DERL2: variants seen among roughly 807,000 people sequenced by gnomAD.
DERL2 encodes derlin-2.
A neutral mutation model predicts 32.0 loss-of-function variants in DERL2; 13 were observed. That is an observed-to-expected ratio of 0.41 (90% confidence interval 0.26 to 0.65). The LOEUF is 0.65. Ranked by LOEUF, DERL2 falls within the 30% of genes least tolerant of loss-of-function variation. DERL2 has a pLI of 0.35. For synonymous variants in DERL2, 111 were observed against 104.7 expected, an observed-to-expected ratio of 1.06 and a Z score of -0.37; for missense variants, 208 against 296.3, an observed-to-expected ratio of 0.70 and a Z score of 2.19.
intron 6 of DERL2, among the ~76,000 whole-genome samples, chr17:5,476,230 T>A (rs1472635104): frequency 6.6e-6 from 1 of 152,200 alleles, no homozygotes; most frequent in African/African-American, 2.4e-5. Context: ...ATCCTCAATT[T>A]GCACTTATAT....
In DERL2 at chr17:5,481,236, AG is replaced by A; in HGVS notation, c.327+59del. On this transcript the variant is annotated intron_variant, in intron 4 of 6. Transcript: ENST00000158771. The surrounding 1 kb of genome is among the most constrained non-coding windows in gnomAD (Gnocchi z 4.4). ...AGAGAACTGTGGGAGACAGATGACA[AG>A]CTTTAGGAAGAGCCAGGGTGTTCTT... is the stretch of plus-strand genomic sequence containing the variant. 8.1e-7 allele frequency: 1 copy of A among 1,228,112 alleles called. No individual in the cohort carries two copies. Among genetic ancestry groups the A allele is most frequent in the South Asian group, 1.2e-5 (1 of 83,156 alleles). 76.1% of individuals were successfully genotyped at this position (1,228,112 alleles called of 1,614,324 possible).
intron 6 of DERL2, among the ~76,000 whole-genome samples, chr17:5,478,195 C>A (rs1487293334): frequency 1.3e-5 from 2 of 151,978 alleles, no homozygotes; most frequent in African/African-American, 4.8e-5. Context: ...GAGACCTTGT[C>A]TCCACAAAAA....
chr17:5,478,303 G>A (rs544431466), intron 6 of DERL2, among the ~76,000 whole-genome samples: 2 of 152,204 alleles, frequency 1.3e-5, no homozygotes, highest in African/African-American at 4.8e-5. Context: ...TGAGCCCAGG[G>A]GCTTGAGTTA....
chr17:5,480,943 G>A (rs987843740), intron 4 of DERL2: 7 of 516,252 alleles, frequency 1.4e-5, no homozygotes, highest in South Asian at 1.3e-4. Context: ...TTGTCAGACC[G>A]TACCATATCT....
intron 2 of DERL2, 69 bp from the exon 3 acceptor site, chr17:5,482,951 A>G: frequency 1.2e-6 from 1 of 864,176 alleles, no homozygotes; most frequent in Non-Finnish European, 1.8e-6. Context: ...TTCCATATTA[A>G]TACAAAAGAA....
chr17:5,485,990 C>A (rs780693678), intron 1 of DERL2, 79 bp downstream of exon 1: 2 of 1,366,978 alleles, frequency 1.5e-6, no homozygotes, highest in Admixed American at 2.0e-5. Flanking sequence ...TGGGCCTCCC[C>A]GAGGCCCAAA....
intron 6 of DERL2, among the ~76,000 whole-genome samples, chr17:5,477,225 T>C (rs550500042): frequency 7.9e-5 from 12 of 152,264 alleles, no homozygotes; most frequent in African/African-American, 2.9e-4. Flanking sequence ...AAAAACATTA[T>C]GTTGAATGAA....
rs1309481190 is a variant in DERL2, at chr17:5,472,956, T to C, written c.*1728A>G. On this transcript the variant is annotated 3_prime_UTR_variant, in exon 7 of 7. Transcript: ENST00000158771. ...AGCAGTCCCATAGACCCAGGTTCCA[T>C]AAAATTGCAACAATCATATTCAAAG... is the stretch of plus-strand genomic sequence containing the variant. 1 of 152,188 alleles carries C rather than the reference T, an allele frequency of 6.6e-6. No homozygotes were observed. Among genetic ancestry groups the C allele is most frequent in the Non-Finnish European group, 1.5e-5 (1 of 68,040 alleles). The allele number at this position is 152,188 out of a possible 1,614,324, so 9.4% of individuals were successfully genotyped here. A position where few individuals can be genotyped will look rare whatever the true frequency, so the allele number is the denominator to read the frequency against.
chr17:5,471,340 C>T lies in DERL2; in HGVS notation c.*3344G>A, dbSNP rs1030933007. On this transcript the variant is annotated 3_prime_UTR_variant, in exon 7 of 7. Transcript: ENST00000158771. ...ACTGTGGTGGATACAAAAATTAAGACATGGTCCCTGCCCTTAAGGAGCTTA... is the reference window on the plus strand; with the variant it reads ...ACTGTGGTGGATACAAAAATTAAGATATGGTCCCTGCCCTTAAGGAGCTTA... 20 of 152,266 alleles carry T rather than the reference C, an allele frequency of 1.3e-4. No individual in the cohort carries two copies. Among genetic ancestry groups the T allele is most frequent in the African/African-American group, 4.8e-4 (20 of 41,470 alleles). The allele number at this position is 152,266 out of a possible 1,614,324, so 9.4% of individuals were successfully genotyped here. A position where few individuals can be genotyped will look rare whatever the true frequency, so the allele number is the denominator to read the frequency against.
chr17:5,481,647 A>G lies in DERL2; in HGVS notation c.234-258T>C, dbSNP rs1016533504. Among the ~76,000 whole-genome samples the G allele has an allele frequency of 3.3e-5, 5 of 149,828 alleles. No homozygotes were observed. In the South Asian group the frequency reaches 1.1e-3, roughly 31 times the overall value. On this transcript the variant is annotated intron_variant, in intron 3 of 6. Coordinates refer to ENST00000158771, the MANE Select transcript of DERL2 (RefSeq NM_016041.5). This position sits in a 1 kb window ranked among gnomAD's most constrained non-coding sequence, Gnocchi z 4.4. ...CACACAGACATGCTTTCAGTCCCCT[A>G]TTCTTTTTTTTTTTTCTTTTGAGAC... is the stretch of plus-strand genomic sequence containing the variant.
rs537959520 is a variant in DERL2 at position 5,481,884 on chromosome 17, G to A, written c.234-495C>T. 7.2e-5 allele frequency among the ~76,000 whole-genome samples: 11 copies of A among 152,142 alleles called. No homozygotes were observed. In the East Asian group the frequency reaches 1.2e-3, roughly 16 times the overall value. ...AGGCTGGTCTCAAACTCCTGACCTC[G>A]TGATCCACTGCCTTGGCCTCCCCAA... On this transcript the variant is annotated intron_variant, in intron 3 of 6. Transcript: ENST00000158771. The surrounding 1 kb of genome is among the most constrained non-coding windows in gnomAD (Gnocchi z 4.4).
At chr17:5,477,394 T>A (rs762907660) in intron 6 of DERL2, among the ~76,000 whole-genome samples, 1 of 152,206 alleles carries the variant, frequency 6.6e-6, no homozygotes, top group Non-Finnish European at 1.5e-5. Flanking sequence ...GGGAACTTTC[T>A]GGTTGATGGT....
At chr17:5,478,818 G>A (rs1469101109) in intron 6 of DERL2, among the ~76,000 whole-genome samples, 1 of 152,156 alleles carries the variant, frequency 6.6e-6, no homozygotes, top group Non-Finnish European at 1.5e-5. Flanking sequence ...AAGTTTACAA[G>A]GTTACAAAAA....
At chr17:5,484,690 G>C (rs1319364567) in intron 2 of DERL2, among the ~76,000 whole-genome samples, 1 of 152,212 alleles carries the variant, frequency 6.6e-6, no homozygotes, top group Non-Finnish European at 1.5e-5. Flanking sequence ...TAACAGAATT[G>C]AGTTTCTGGA....
In DERL2 at chr17:5,474,584, A is replaced by G. The variant is rs1905269941; in HGVS notation, c.*100T>C. ...GTGCTTCTGGAGTTAAAATCTGCCAAGCTGTCAAAAGTGTCCACACTTTTG... is the reference window on the plus strand; with the variant it reads ...GTGCTTCTGGAGTTAAAATCTGCCAGGCTGTCAAAAGTGTCCACACTTTTG... On this transcript the variant is annotated 3_prime_UTR_variant, in exon 7 of 7. Transcript: ENST00000158771. This position sits in a 1 kb window ranked among gnomAD's most constrained non-coding sequence, Gnocchi z 4.3. 1 of 836,432 alleles carries G rather than the reference A, an allele frequency of 1.2e-6. No homozygotes were observed. The highest frequency in any genetic ancestry group is 1.9e-6 in the Non-Finnish European group (1 of 531,724). 51.8% of individuals were successfully genotyped at this position (836,432 alleles called of 1,614,324 possible). A position where few individuals can be genotyped will look rare whatever the true frequency, so the allele number is the denominator to read the frequency against.
intron 2 of DERL2, among the ~76,000 whole-genome samples, chr17:5,484,161 G>A (rs1905986018): frequency 6.6e-6 from 1 of 152,228 alleles, no homozygotes; most frequent in African/African-American, 2.4e-5. Context: ...AGAACAGCAT[G>A]TGTAGAGGCA....
chr17:5,481,282 T>C lies in DERL2; in HGVS notation c.327+14A>G, dbSNP rs1291491646. On this transcript the variant is annotated intron_variant, in intron 4 of 6. Transcript: ENST00000158771. This position sits in a 1 kb window ranked among gnomAD's most constrained non-coding sequence, Gnocchi z 4.4. Reference sequence around the variant, plus strand: ...GTTCTTCAACATTTTCCCGTGTTGTTTGTTGAAGGATACGGTCATTAAGAA... The same window carrying C: ...GTTCTTCAACATTTTCCCGTGTTGTCTGTTGAAGGATACGGTCATTAAGAA... The C allele has an allele frequency of 6.3e-7, 1 of 1,592,454 alleles. No homozygotes were observed. Among genetic ancestry groups the C allele is most frequent in the African/African-American group, 1.3e-5 (1 of 74,554 alleles).
In DERL2 at chr17:5,481,680, C is replaced by T. The variant is rs1335922947; in HGVS notation, c.234-291G>A. On this transcript the variant is annotated intron_variant, in intron 3 of 6. Coordinates refer to ENST00000158771, the MANE Select transcript of DERL2 (RefSeq NM_016041.5). This position sits in a 1 kb window ranked among gnomAD's most constrained non-coding sequence, Gnocchi z 4.4. ...TTTTTTTTCTTTTGAGACAGAGTCT[C>T]GCTCTGTCACCTAGGATGGAGTGCA... 4.0e-5 allele frequency among the ~76,000 whole-genome samples: 6 copies of T among 151,622 alleles called. No individual in the cohort carries two copies. In the East Asian group the frequency reaches 5.8e-4, roughly 15 times the overall value.
rs1805448 is a variant in DERL2, at chr17:5,481,007, T to C, written c.327+289A>G. 0.12 allele frequency: 66,199 copies of C among 549,224 alleles called. 4,738 individuals carry two copies. Among genetic ancestry groups the C allele is most frequent in the African/African-American group, 0.25 (13,030 of 51,418 alleles). 34.0% of individuals were successfully genotyped at this position (549,224 alleles called of 1,614,324 possible). On this transcript the variant is annotated intron_variant, in intron 4 of 6. Coordinates refer to ENST00000158771, the MANE Select transcript of DERL2 (RefSeq NM_016041.5). This position sits in a 1 kb window ranked among gnomAD's most constrained non-coding sequence, Gnocchi z 4.4. ...TTCTGAAAAAATAATTTATTGGTTT[T>C]GGTAGCCACCAAGTAAATGTCTTAC...
Sources: allele counts gnomAD v4.1 joint callset (sites outside exome capture counted in the v4.1 genomes callset), GRCh38; gene constraint gnomAD v4.1.1; non-coding constraint Gnocchi (gnomAD v3.1); transcripts MANE v1.5; gene names NCBI Gene and HGNC (gene_info 2026-07-23, HGNC 2026-07-21).